C4orf50: variants seen among roughly 807,000 people sequenced by gnomAD.
C4orf50 encodes the protein chromosome 4 open reading frame 50.
C4orf50 carries 80 observed loss-of-function variants against 77.2 expected under a neutral mutation model. The observed-to-expected ratio is 1.04, with a 90% CI of 0.87 to 1.25. The LOEUF is 1.25. C4orf50 is among the 50% of genes most tolerant of loss of function. C4orf50 has a pLI of 0.00. For synonymous variants in C4orf50, 532 were observed against 465.3 expected (o/e 1.14, Z -1.84); for missense variants, 1,257 against 1,152.9 (o/e 1.09, Z -1.31).
rs1717165725 is a variant in C4orf50 at position 5,919,298 on chromosome 4, C to A, written c.*2475-21110G>T. Among the ~76,000 whole-genome samples the A allele has an allele frequency of 6.6e-6, 1 of 152,158 alleles. No homozygotes were observed. The highest frequency in any genetic ancestry group is 6.5e-5 in the Admixed American group (1 of 15,288). On this transcript the variant is annotated intron_variant, in intron 7 of 7. Coordinates refer to the C4orf50 transcript ENST00000324058. This position sits in a 1 kb window ranked among gnomAD's most constrained non-coding sequence, Gnocchi z 6.5. ...ACCCAATGCCCGATTTCCATGGCTA[C>A]CACAGCTCAGGAAGGTTCTAGAAGT...
At chr4:5,971,079 G>A (rs1441080236) in intron 31 of C4orf50, among the ~76,000 whole-genome samples, 1 of 152,168 alleles carries the variant, frequency 6.6e-6, no homozygotes, top group East Asian at 1.9e-4. Context: ...GGTATTCCTG[G>A]AAGGTACATC....
chr4:6,006,097 GAACA>G (rs1722241132), intron 25 of C4orf50, among the ~76,000 whole-genome samples: 1 of 152,122 alleles, frequency 6.6e-6, no homozygotes, highest in South Asian at 2.1e-4. Flanking sequence ...TAAGGAGGAA[GAACA>G]AACAGGAAAT....
At position 5,970,491 on chromosome 4, in the gene C4orf50, G is replaced by A. The variant is rs1460017962; in HGVS notation, c.4105-3029C>T. On this transcript the variant is annotated intron_variant, in intron 31 of 33. Transcript: ENST00000531445. This position sits in a 1 kb window ranked among gnomAD's most constrained non-coding sequence, Gnocchi z 4.3. ...GGGAAGCCAGGGCGGATACAAGGGT[G>A]ACCCATGGACGCTAGTGACCCGGAT... is the stretch of plus-strand genomic sequence containing the variant. Among the ~76,000 whole-genome samples, 1 of 152,150 alleles carries A rather than the reference G, an allele frequency of 6.6e-6. No individual in the cohort carries two copies. Among genetic ancestry groups the A allele is most frequent in the African/African-American group, 2.4e-5 (1 of 41,442 alleles).
chr4:6,018,090 T>C lies in C4orf50; in HGVS notation c.287+55A>G. The C allele has an allele frequency of 2.5e-6, 1 of 397,990 alleles. No individual in the cohort carries two copies. The highest frequency in any genetic ancestry group is 4.4e-6 in the Non-Finnish European group (1 of 226,042). The allele number at this position is 397,990 out of a possible 1,614,324, so 24.7% of individuals were successfully genotyped here. On this transcript the variant is annotated intron_variant, in intron 23 of 33. Coordinates refer to ENST00000531445, the Ensembl canonical transcript of C4orf50. The surrounding 1 kb of genome is among the most constrained non-coding windows in gnomAD (Gnocchi z 5.1). ...TTCAACACACCATGGTGACACACTC[T>C]GATGGCCCCGCGGTTTGTGAAATAC... is the stretch of plus-strand genomic sequence containing the variant.
chr4:5,933,909 G>A (rs1482733139), intron 7 of C4orf50, among the ~76,000 whole-genome samples: 2 of 152,090 alleles, frequency 1.3e-5, no homozygotes, highest in Non-Finnish European at 2.9e-5. Flanking sequence ...GGGAGGAGGA[G>A]GTCAGGAGAG....
At chr4:5,929,904 AC>A in intron 7 of C4orf50, among the ~76,000 whole-genome samples, 1 of 152,334 alleles carries the variant, frequency 6.6e-6, no homozygotes, top group Admixed American at 6.5e-5. Flanking sequence ...AATATTAGCT[AC>A]CCCGCAGTAA....
At chr4:5,962,739 GA>G (rs1719340125) in intron 33 of C4orf50, among the ~76,000 whole-genome samples, 1 of 152,248 alleles carries the variant, frequency 6.6e-6, no homozygotes, top group African/African-American at 2.4e-5. Flanking sequence ...AAGTGGAGCT[GA>G]TGCTGATATC....
intron 33 of C4orf50, among the ~76,000 whole-genome samples, chr4:5,963,000 C>CTTTTTTTTT (rs370272649): frequency 1.4e-5 from 2 of 146,090 alleles, no homozygotes; most frequent in Non-Finnish European, 3.0e-5. Flanking sequence ...TTTTTCTTTT[C>CTTTTTTTTT]TTTTTTTTTT....
chr4:5,904,314 G>A (rs139186107), intron 7 of C4orf50: 2,036 of 152,458 alleles, frequency 0.013, 37 homozygotes, highest in Non-Finnish European at 0.017. Context: ...CAACTGGGCC[G>A]TGATGCTCTT....
chr4:6,011,254 C>T lies in C4orf50; in HGVS notation c.426+576G>A, dbSNP rs987532507. On this transcript the variant is annotated intron_variant, in intron 24 of 33. Transcript: ENST00000531445. This position sits in a 1 kb window ranked among gnomAD's most constrained non-coding sequence, Gnocchi z 4.2. ...TGGGCCATGCAGCGGAGTTGGCCACCTGGCCCCTCTGGAACTTTCCGACTC... is the reference window on the plus strand; with the variant it reads ...TGGGCCATGCAGCGGAGTTGGCCACTTGGCCCCTCTGGAACTTTCCGACTC... Among the ~76,000 whole-genome samples the T allele has an allele frequency of 6.6e-6, 1 of 152,188 alleles. No individual in the cohort carries two copies. Among genetic ancestry groups the T allele is most frequent in the Non-Finnish European group, 1.5e-5 (1 of 68,026 alleles).
Position 6,011,776 on chromosome 4 carries a change from C to T in C4orf50, c.426+54G>A. On this transcript the variant is annotated intron_variant, in intron 24 of 33. Transcript: ENST00000531445. The surrounding 1 kb of genome is among the most constrained non-coding windows in gnomAD (Gnocchi z 4.2). ...GCCCAACTGCAGCTGCTGCTGAGTT[C>T]CCACGGCTCTGCTGGACAGGAAACA... is the stretch of plus-strand genomic sequence containing the variant. 2.5e-6 allele frequency: 1 copy of T among 399,028 alleles called. No individual in the cohort carries two copies. The highest frequency in any genetic ancestry group is 4.4e-6 in the Non-Finnish European group (1 of 226,146). The allele number at this position is 399,028 out of a possible 1,614,324, so 24.7% of individuals were successfully genotyped here. A position where few individuals can be genotyped will look rare whatever the true frequency, so the allele number is the denominator to read the frequency against.
intron 31 of C4orf50, among the ~76,000 whole-genome samples, chr4:5,971,937 A>G (rs555487718): frequency 2.0e-5 from 3 of 152,018 alleles, no homozygotes; most frequent in East Asian, 1.9e-4. Context: ...GCAGCCAGCC[A>G]GCCGGCCTTC....
chr4:5,961,632 C>T (rs1255123469), intron 33 of C4orf50, among the ~76,000 whole-genome samples: 1 of 152,222 alleles, frequency 6.6e-6, no homozygotes, highest in South Asian at 2.1e-4. Flanking sequence ...TGAACCCAGG[C>T]CATACGGCTC....
At chr4:5,935,220 C>T (rs1175275149) in intron 7 of C4orf50, among the ~76,000 whole-genome samples, 2 of 152,192 alleles carry the variant, frequency 1.3e-5, no homozygotes, top group Admixed American at 6.5e-5. Flanking sequence ...CTGCCCTGGC[C>T]TCTGTAAACC....
chr4:6,016,975 T>G (rs890481771), intron 23 of C4orf50, among the ~76,000 whole-genome samples: 1 of 152,192 alleles, frequency 6.6e-6, no homozygotes, highest in African/African-American at 2.4e-5. Context: ...CACTGCATTG[T>G]GCTTCCATGC....
Position 6,007,908 on chromosome 4 carries a change from G to A in C4orf50, c.963+88C>T, listed in dbSNP as rs1458207436. 61 of 398,716 alleles carry A rather than the reference G, an allele frequency of 1.5e-4. 1 individual carries two copies. The Admixed American group carries it at 2.1e-3, about 14-fold the overall frequency. The allele number at this position is 398,716 out of a possible 1,614,324, so 24.7% of individuals were successfully genotyped here. ...ACGGCTGTAGGAAGAGGAGCCCGGG[G>A]AATGGATGGGCCAATGACTTCACCA... On this transcript the variant is annotated intron_variant, in intron 25 of 33. Transcript: ENST00000531445. The surrounding 1 kb of genome is among the most constrained non-coding windows in gnomAD (Gnocchi z 4.1).
At chr4:5,989,282 C>T in exon 28 of C4orf50, 1 of 1,536,072 alleles carries the variant, frequency 6.5e-7, no homozygotes. Flanking sequence ...CTGCTCCTCA[C>T]TCTCTCGAGG....
In C4orf50 at chr4:6,013,237, G is replaced by A. The variant is rs138833389; in HGVS notation, c.288-1269C>T. On this transcript the variant is annotated intron_variant, in intron 23 of 33. Transcript: ENST00000531445. ...AAGGTCTCAAGGGTGGCAGACCAGA[G>A]TGTGCTCTCTCGTGAGGATCATAAC... is the stretch of plus-strand genomic sequence containing the variant. Among the ~76,000 whole-genome samples the A allele has an allele frequency of 4.1e-3, 626 of 152,306 alleles. 2 individuals carry two copies. Among genetic ancestry groups the A allele is most frequent in the African/African-American group, 0.014 (587 of 41,586 alleles).
intron 31 of C4orf50, among the ~76,000 whole-genome samples, chr4:5,967,794 C>T (rs1181035883): frequency 6.6e-6 from 1 of 152,244 alleles, no homozygotes; most frequent in East Asian, 1.9e-4. Context: ...ACATCCAGTG[C>T]TCTGATGTCT....
Sources: allele counts gnomAD v4.1 joint callset (sites outside exome capture counted in the v4.1 genomes callset), GRCh38; gene constraint gnomAD v4.1.1; non-coding constraint Gnocchi (gnomAD v3.1); transcripts MANE v1.5; gene names NCBI Gene and HGNC (gene_info 2026-07-23, HGNC 2026-07-21).